Variants in GPC6 observed in about 807,000 individuals in gnomAD.
GPC6 encodes glypican 6.
A neutral mutation model predicts 55.2 loss-of-function variants in GPC6; 14 were observed. That is an observed-to-expected ratio of 0.25 (90% CI 0.17 to 0.40). The LOEUF (loss-of-function observed/expected upper bound fraction) is 0.40, where lower values mean the gene tolerates loss of function less well. GPC6 is among the 10% of genes least tolerant of loss of function. The pLI, the probability that GPC6 is intolerant of heterozygous loss-of-function variation, is 1.00. For missense variants in GPC6, 641 were observed against 708.5 expected, an observed-to-expected ratio of 0.90 and a Z score of 1.08; for synonymous variants, 278 against 259.6, an observed-to-expected ratio of 1.07 and a Z score of -0.68.
intron 2 of GPC6, among the ~76,000 whole-genome samples, chr13:93,711,121 A>T (rs1883042171): frequency 6.6e-6 from 1 of 151,796 alleles, no homozygotes; most frequent in Admixed American, 6.6e-5. Flanking sequence ...AGAGATAAGG[A>T]GTAAAGCCTT....
intron 2 of GPC6, among the ~76,000 whole-genome samples, chr13:93,701,806 A>G (rs1882680287): frequency 6.6e-6 from 1 of 152,018 alleles, no homozygotes; most frequent in Non-Finnish European, 1.5e-5. Flanking sequence ...TCATCCTTTC[A>G]AGTGTTTTCA....
rs192709212 is a variant in GPC6, at chr13:93,340,424, G to A, written c.160+112808G>A. On this transcript the variant is annotated intron_variant, in intron 1 of 8. Transcript: ENST00000377047. ...TAGGGACAAAGTCCACACTTTTATAGGTCTTGTATTTTAACTGAGAAACAC... is the reference window on the plus strand; with the variant it reads ...TAGGGACAAAGTCCACACTTTTATAAGTCTTGTATTTTAACTGAGAAACAC... 1.8e-4 allele frequency among the ~76,000 whole-genome samples: 28 copies of A among 152,198 alleles called. No homozygotes were observed. The East Asian group carries it at 5.2e-3, about 28-fold the overall frequency.
At chr13:93,506,362 G>A (rs1002125288) in intron 1 of GPC6, among the ~76,000 whole-genome samples, 1 of 152,168 alleles carries the variant, frequency 6.6e-6, no homozygotes, top group African/African-American at 2.4e-5. Context: ...AATGTTTCCC[G>A]TGCTTTATTC....
chr13:94,375,264 G>T (rs1003555890), intron 6 of GPC6, among the ~76,000 whole-genome samples: 3 of 152,006 alleles, frequency 2.0e-5, no homozygotes, highest in Non-Finnish European at 4.4e-5. Flanking sequence ...TCCAGGAGCT[G>T]GTTTTTTGAA....
At chr13:94,368,006 G>A (rs1879358202) in intron 6 of GPC6, among the ~76,000 whole-genome samples, 1 of 151,816 alleles carries the variant, frequency 6.6e-6, no homozygotes, top group East Asian at 1.9e-4. Flanking sequence ...AAAATTAGCT[G>A]GGCATGGTGA....
intron 4 of GPC6, among the ~76,000 whole-genome samples, chr13:94,057,239 A>C (rs1884161975): frequency 6.6e-6 from 1 of 152,224 alleles, no homozygotes; most frequent in South Asian, 2.1e-4. Context: ...TTTGGGAAAT[A>C]AGAGTGAAAT....
At chr13:94,391,886 T>C (rs1410847854) in intron 7 of GPC6, among the ~76,000 whole-genome samples, 3 of 152,240 alleles carry the variant, frequency 2.0e-5, no homozygotes, top group Non-Finnish European at 4.4e-5. Flanking sequence ...ATAAGTGGAA[T>C]CATAAAATAT....
rs148806944 is a variant in GPC6, at chr13:93,352,959, G to A, written c.160+125343G>A. Among the ~76,000 whole-genome samples, 277 of 152,252 alleles carry A rather than the reference G, an allele frequency of 1.8e-3. 7 individuals carry two copies. The East Asian group carries it at 0.05, about 27-fold the overall frequency. On this transcript the variant is annotated intron_variant, in intron 1 of 8. Coordinates refer to ENST00000377047, the MANE Select transcript of GPC6 (RefSeq NM_005708.5). ...CATGGAACAGACATTATCTCCAGGT[G>A]ATTTATACAAACATTCAAGTTTGGG...
In GPC6 at chr13:93,833,111, G is replaced by T. The variant is rs57499597; in HGVS notation, c.711+2566G>T. ...GATGGGTAGATAGGTAGATGATAGA[G>T]AGAGAGAGAGAGAGAGAGAGAGAGA... is the stretch of plus-strand genomic sequence containing the variant. On this transcript the variant is annotated intron_variant, in intron 3 of 8. Coordinates refer to ENST00000377047, the MANE Select transcript of GPC6 (RefSeq NM_005708.5). 1.0e-4 allele frequency among the ~76,000 whole-genome samples: 3 copies of T among 29,538 alleles called. No homozygotes were observed. The African/African-American group carries it at 1.8e-3, about 17-fold the overall frequency. The allele number at this position is 29,538 out of a possible 152,430, so 19.4% of individuals were successfully genotyped here.
chr13:93,247,132 A>G (rs1343323472), intron 1 of GPC6, among the ~76,000 whole-genome samples: 2 of 152,122 alleles, frequency 1.3e-5, no homozygotes, highest in Non-Finnish European at 2.9e-5. Context: ...CAGTACCCTT[A>G]GGAGATACCT....
chr13:94,288,864 A>G (rs1286364195), intron 5 of GPC6, among the ~76,000 whole-genome samples: 38 of 125,010 alleles, frequency 3.0e-4, no homozygotes, highest in Non-Finnish European at 4.2e-4. Context: ...ATAAATATAT[A>G]TATTTGTTAT....
At chr13:94,297,019 G>A (rs1875371291) in intron 5 of GPC6, among the ~76,000 whole-genome samples, 1 of 152,038 alleles carries the variant, frequency 6.6e-6, no homozygotes, top group Non-Finnish European at 1.5e-5. Flanking sequence ...CAATGTGTTT[G>A]TTAAACGCAG....
intron 1 of GPC6, among the ~76,000 whole-genome samples, chr13:93,421,590 T>C (rs1876926028): frequency 6.6e-6 from 1 of 152,178 alleles, no homozygotes; most frequent in African/African-American, 2.4e-5. Flanking sequence ...TTGCTTTAAG[T>C]GGTGTATAAT....
chr13:93,674,672 G>C (rs1881509949), intron 2 of GPC6, among the ~76,000 whole-genome samples: 1 of 152,154 alleles, frequency 6.6e-6, no homozygotes, highest in African/African-American at 2.4e-5. Flanking sequence ...ACAGAATGAG[G>C]AGTGTTGGAG....
At chr13:94,362,278 A>C (rs1879088868) in intron 6 of GPC6, among the ~76,000 whole-genome samples, 1 of 152,166 alleles carries the variant, frequency 6.6e-6, no homozygotes, top group Non-Finnish European at 1.5e-5. Context: ...ATATGTCTAT[A>C]TTCATCATGT....
chr13:94,355,935 C>T (rs1012464557), intron 6 of GPC6, among the ~76,000 whole-genome samples: 1 of 152,184 alleles, frequency 6.6e-6, no homozygotes, highest in South Asian at 2.1e-4. Flanking sequence ...TCTCCCTCCC[C>T]CTGCCCCCAC....
rs749677347 is a variant in GPC6, at chr13:93,830,490, G to C, written c.656G>C (p.Arg219Thr). ...GTTACCCGCGCCTTCATTGCTGCCA[G>C]GACCTTTGTCCAGGGGCTGACTGTG... is the stretch of plus-strand genomic sequence containing the variant. ...IQVTRAFIAA[R>T]TFVQGLTVGR... Residue 219 changes from arginine (R) to threonine (T), a missense_variant, in exon 3 of 9, where the codon AGG becomes ACG. Physicochemically the swap from Arg to Thr is moderately conservative, Grantham distance 71 (BLOSUM62 -1). Transcript: ENST00000377047. 2 of 1,613,786 alleles carry C rather than the reference G, an allele frequency of 1.2e-6. No homozygotes were observed. Among genetic ancestry groups the C allele is most frequent in the South Asian group, 2.2e-5 (2 of 91,060 alleles).
At chr13:93,728,858 G>T (rs564239777) in intron 2 of GPC6, among the ~76,000 whole-genome samples, 1 of 152,190 alleles carries the variant, frequency 6.6e-6, no homozygotes, top group East Asian at 1.9e-4. Flanking sequence ...GTGAGCCACT[G>T]CGCCCAGCCT....
intron 1 of GPC6, among the ~76,000 whole-genome samples, chr13:93,515,987 C>T (rs1390034805): frequency 6.6e-6 from 1 of 152,014 alleles, no homozygotes; most frequent in Non-Finnish European, 1.5e-5. Context: ...TAAAAAATTC[C>T]CAAGGTATTT....
Sources: gnomAD v4.1 joint callset for allele counts (sites outside exome capture counted in the v4.1 genomes callset) on GRCh38, gnomAD v4.1.1 for gene constraint, MANE v1.5 for transcripts, NCBI Gene and HGNC (gene_info 2026-07-23, HGNC 2026-07-21) for gene names.